EMCN: variants seen among roughly 807,000 people sequenced by gnomAD.
EMCN encodes the protein endomucin, also known as MUC-14.
EMCN carries 37 observed loss-of-function variants against 38.4 expected under a neutral mutation model. That is an observed-to-expected ratio of 0.96 (90% CI 0.74 to 1.27). The LOEUF is 1.27. EMCN is among the 50% of genes most tolerant of loss of function. The pLI, the probability that EMCN is intolerant of heterozygous loss-of-function variation, is 0.00. For synonymous variants in EMCN, 95 were observed against 100.8 expected, an observed-to-expected ratio of 0.94 and a Z score of 0.35; for missense variants, 318 against 302.8, an observed-to-expected ratio of 1.05 and a Z score of -0.37.
chr4:100,464,859 T>G (rs1728272507), intron 4 of EMCN, among the ~76,000 whole-genome samples: 1 of 152,074 alleles, frequency 6.6e-6, no homozygotes, highest in South Asian at 2.1e-4. Flanking sequence ...TTTTCTTGCT[T>G]TGGTGTCAGG....
At chr4:100,467,332 A>C (rs1728343652) in intron 3 of EMCN, among the ~76,000 whole-genome samples, 1 of 152,202 alleles carries the variant, frequency 6.6e-6, no homozygotes, top group Non-Finnish European at 1.5e-5. Context: ...AAATGCTTCA[A>C]ATCCTAGTCT....
At chr4:100,463,380 G>T (rs1393963359) in intron 4 of EMCN, among the ~76,000 whole-genome samples, 2 of 152,128 alleles carry the variant, frequency 1.3e-5, no homozygotes, top group East Asian at 3.9e-4. Context: ...TTCAATTCCC[G>T]TAGCTAACTC....
chr4:100,417,204 G>C, intron 8 of EMCN, 63 bp from the exon 9 acceptor site: 1 of 1,485,986 alleles, frequency 6.7e-7, no homozygotes. Flanking sequence ...ATATGAGCAA[G>C]CCCCTCTAAC....
Position 100,475,067 on chromosome 4 carries a change from G to A in EMCN, c.230C>T (p.Thr77Ile). 1 of 1,539,702 alleles carries A rather than the reference G, an allele frequency of 6.5e-7. No individual in the cohort carries two copies. The highest frequency in any genetic ancestry group is 1.4e-5 in the African/African-American group (1 of 73,398). ...NELLKMSLMS[T>I]ATFLTSKDEG... ...ATCTTTACTTGTTAAAAAAGTAGCT[G>A]TTGACATCAGAGACATTTTAAGTAA... The change falls in exon 3 of 12, where the codon ACA becomes ATA. Residue 77 changes from threonine (T) to isoleucine (I), a missense_variant. By Grantham distance (89) the Thr-to-Ile change is moderately conservative. Transcript: ENST00000296420.
intron 11 of EMCN, among the ~76,000 whole-genome samples, chr4:100,408,150 C>T (rs537542634): frequency 7.9e-5 from 12 of 152,266 alleles, no homozygotes; most frequent in South Asian, 6.2e-4. Context: ...TCAGATTCCT[C>T]GGAATGGGTT....
intron 5 of EMCN, among the ~76,000 whole-genome samples, chr4:100,443,317 A>C (rs531589043): frequency 6.6e-6 from 1 of 152,076 alleles, no homozygotes; most frequent in Non-Finnish European, 1.5e-5. Flanking sequence ...TCCTTTTTCA[A>C]ACTCTAGTAG....
chr4:100,455,260 C>T (rs187838444), intron 4 of EMCN, among the ~76,000 whole-genome samples: 26 of 152,058 alleles, frequency 1.7e-4, no homozygotes, highest in Admixed American at 6.6e-4. Flanking sequence ...CTACATATGT[C>T]GTAAACCTTC....
intron 4 of EMCN, among the ~76,000 whole-genome samples, chr4:100,457,829 G>T (rs1728059978): frequency 6.6e-6 from 1 of 152,098 alleles, no homozygotes; most frequent in South Asian, 2.1e-4. Flanking sequence ...GCATTTGAAA[G>T]TGTTCCTGGC....
chr4:100,432,094 A>G (rs921371812), intron 5 of EMCN, among the ~76,000 whole-genome samples: 12 of 152,242 alleles, frequency 7.9e-5, no homozygotes, highest in South Asian at 2.1e-4. Context: ...TGTAATGGCT[A>G]TGCAATGTTT....
At chr4:100,458,009 C>T (rs562538491) in intron 4 of EMCN, among the ~76,000 whole-genome samples, 36 of 151,732 alleles carry the variant, frequency 2.4e-4, no homozygotes, top group African/African-American at 8.5e-4. Flanking sequence ...CCCAGCTACT[C>T]GGGAGGCTGA....
intron 7 of EMCN, among the ~76,000 whole-genome samples, chr4:100,422,565 AT>A (rs573145716): frequency 1.3e-5 from 2 of 151,864 alleles, no homozygotes; most frequent in Non-Finnish European, 2.9e-5. Flanking sequence ...CAAACAATTC[AT>A]TTTTTGATAT....
chr4:100,416,246 T>G (rs1389042484), intron 9 of EMCN, among the ~76,000 whole-genome samples: 1 of 152,138 alleles, frequency 6.6e-6, no homozygotes, highest in Non-Finnish European at 1.5e-5. Flanking sequence ...TAGTGGTGAT[T>G]GTCAGATAAA....
intron 3 of EMCN, chr4:100,474,192 A>C (rs779141942): frequency 6.6e-6 from 1 of 152,238 alleles, no homozygotes; most frequent in Non-Finnish European, 1.5e-5. Context: ...AATTTTTAAA[A>C]AGATAGACAA....
intron 3 of EMCN, among the ~76,000 whole-genome samples, chr4:100,469,998 T>G (rs1191470817): frequency 6.6e-6 from 1 of 151,898 alleles, no homozygotes; most frequent in Middle Eastern, 3.2e-3. Context: ...GTTTTCATGA[T>G]GAAGACACCA....
chr4:100,404,601 C>T (rs1286407028), intron 11 of EMCN, among the ~76,000 whole-genome samples: 1 of 151,850 alleles, frequency 6.6e-6, no homozygotes, highest in African/African-American at 2.4e-5. Flanking sequence ...TCATACTGTA[C>T]TAGTTACTGT....
chr4:100,500,077 A>G (rs1729308078), intron 1 of EMCN, among the ~76,000 whole-genome samples: 1 of 152,136 alleles, frequency 6.6e-6, no homozygotes, highest in South Asian at 2.1e-4. Flanking sequence ...TGTACAAAGA[A>G]TAATGATAAT....
Position 100,423,377 on chromosome 4 carries a change from G to C in EMCN, c.443C>G (p.Pro148Arg), listed in dbSNP as rs150758540. The C allele has an allele frequency of 6.2e-7, 1 of 1,612,738 alleles. No individual in the cohort carries two copies. The highest frequency in any genetic ancestry group is 1.3e-5 in the African/African-American group (1 of 74,952). The change falls in exon 6 of 12, where the codon CCT becomes CGT. Residue 148 changes from proline (P) to arginine (R), a missense_variant. Transcript: ENST00000296420. ...TGAGGTTAATGTACCAGTTTTAGAA[G>C]GTGATGCATCTGGTTGTAGAACACT... is the stretch of plus-strand genomic sequence containing the variant. ...PGSVLQPDAS[P>R]SKTGTLTSIP...
chr4:100,404,119 T>A (rs541231614), intron 11 of EMCN, among the ~76,000 whole-genome samples: 236 of 152,026 alleles, frequency 1.6e-3, no homozygotes, highest in African/African-American at 5.5e-3. Flanking sequence ...GCTTTTGGAG[T>A]CTTCATCATG....
chr4:100,464,997 G>A (rs888430101), intron 4 of EMCN, among the ~76,000 whole-genome samples: 5 of 152,006 alleles, frequency 3.3e-5, no homozygotes, highest in Non-Finnish European at 5.9e-5. Flanking sequence ...AAGCCATCAT[G>A]GCTTGGGGTT....
Sources: allele counts gnomAD v4.1 joint callset (sites outside exome capture counted in the v4.1 genomes callset), GRCh38; gene constraint gnomAD v4.1.1; transcripts MANE v1.5; gene names NCBI Gene and HGNC (gene_info 2026-07-23, HGNC 2026-07-21).